Variants in PLD5 observed in about 807,000 individuals in gnomAD.
The protein encoded by PLD5 is inactive phospholipase D5.
In PLD5, 36 loss-of-function variants were observed where a neutral mutation model predicts 61.1. The ratio of observed to expected loss-of-function variants is 0.59; its 90% CI spans 0.45 to 0.78. PLD5 has a LOEUF of 0.78. PLD5 is among the 30% of genes least tolerant of loss of function. The pLI is 0.00. For missense variants in PLD5, 515 were observed against 644.4 expected (o/e 0.80, Z 2.17); for synonymous variants, 243 against 242.8 (o/e 1.00, Z -0.01).
intron 9 of PLD5, among the ~76,000 whole-genome samples, chr1:242,095,443 G>C (rs1273176589): frequency 1.3e-5 from 2 of 151,836 alleles, no homozygotes; most frequent in Non-Finnish European, 2.9e-5. Flanking sequence ...TGTTGGCCAG[G>C]CTGGTCTCCA....
At chr1:242,257,844 T>C (rs1298828540) in intron 4 of PLD5, among the ~76,000 whole-genome samples, 1 of 152,202 alleles carries the variant, frequency 6.6e-6, no homozygotes, top group African/African-American at 2.4e-5. Context: ...ACTGGTTGTT[T>C]GTACGGTCAC....
intron 5 of PLD5, among the ~76,000 whole-genome samples, chr1:242,167,798 C>G (rs1368819695): frequency 6.6e-6 from 1 of 152,188 alleles, no homozygotes; most frequent in African/African-American, 2.4e-5. Flanking sequence ...CAATGTGTGT[C>G]GTGCATCACG....
intron 5 of PLD5, among the ~76,000 whole-genome samples, chr1:242,194,564 C>A (rs998757069): frequency 1.0e-5 from 1 of 100,490 alleles, no homozygotes; most frequent in East Asian, 2.8e-4. Context: ...TGAGCTATCT[C>A]TATATCTATC....
intron 1 of PLD5, among the ~76,000 whole-genome samples, chr1:242,454,878 G>T (rs773993418): frequency 2.0e-4 from 31 of 152,156 alleles, no homozygotes; most frequent in Non-Finnish European, 4.0e-4. Context: ...TACCCTTTCC[G>T]GTTCTATCCC....
chr1:242,526,264 T>C (rs200218371), upstream of PLD5, among the ~76,000 whole-genome samples: 5 of 152,210 alleles, frequency 3.3e-5, no homozygotes, highest in East Asian at 9.7e-4. Context: ...TGCTCATCTG[T>C]GGTTTCAGCT....
chr1:242,220,764 T>C (rs1407195046), intron 4 of PLD5, among the ~76,000 whole-genome samples: 1 of 139,640 alleles, frequency 7.2e-6, no homozygotes, highest in Non-Finnish European at 1.6e-5. Flanking sequence ...TGAGACAGAG[T>C]CTCACTCTGT....
intron 6 of PLD5, among the ~76,000 whole-genome samples, chr1:242,116,391 G>T (rs770605113): frequency 2.0e-5 from 3 of 152,178 alleles, no homozygotes; most frequent in Non-Finnish European, 2.9e-5. Context: ...TCATGAGCAA[G>T]ATGAGTCGGT....
At chr1:242,425,794 C>T (rs577379011) in intron 1 of PLD5, among the ~76,000 whole-genome samples, 16 of 152,092 alleles carry the variant, frequency 1.1e-4, no homozygotes, top group African/African-American at 3.9e-4. Flanking sequence ...AGGTGCCCGC[C>T]ACCACACCTG....
At chr1:242,148,749 TTTTAAATTTCTA>T (rs1664716485) in intron 5 of PLD5, among the ~76,000 whole-genome samples, 1 of 151,990 alleles carries the variant, frequency 6.6e-6, no homozygotes, top group South Asian at 2.1e-4. Context: ...TAATACTGTC[TTTTAAATTTCTA>T]ATTGCTCATG....
chr1:242,394,099 T>C (rs1019195408), intron 1 of PLD5, among the ~76,000 whole-genome samples: 1 of 138,554 alleles, frequency 7.2e-6, no homozygotes, highest in Admixed American at 7.6e-5. Context: ...TATGTATATA[T>C]GTGTATATAT....
At chr1:242,129,846 A>G (rs1663095273) in intron 5 of PLD5, among the ~76,000 whole-genome samples, 1 of 152,100 alleles carries the variant, frequency 6.6e-6, no homozygotes, top group Non-Finnish European at 1.5e-5. Flanking sequence ...CTCTATGTCC[A>G]TGTGTACACA....
At chr1:242,276,772 C>T (rs1291698950) in intron 3 of PLD5, among the ~76,000 whole-genome samples, 2 of 151,906 alleles carry the variant, frequency 1.3e-5, no homozygotes, top group Non-Finnish European at 2.9e-5. Flanking sequence ...TGCTTGAAAC[C>T]AGTGGAGAGT....
chr1:242,302,834 T>C (rs185655149), intron 2 of PLD5, among the ~76,000 whole-genome samples: 7 of 152,330 alleles, frequency 4.6e-5, no homozygotes, highest in Admixed American at 2.0e-4. Flanking sequence ...TTCTTCTTCT[T>C]AATCTGCCTT....
chr1:242,450,105 C>A (rs1344728719), intron 1 of PLD5, among the ~76,000 whole-genome samples: 1 of 152,180 alleles, frequency 6.6e-6, no homozygotes, highest in African/African-American at 2.4e-5. Flanking sequence ...TTATATGAAA[C>A]CACGGGGCTC....
intron 1 of PLD5, among the ~76,000 whole-genome samples, chr1:242,416,693 T>G (rs1664851117): frequency 6.6e-6 from 1 of 152,206 alleles, no homozygotes; most frequent in East Asian, 1.9e-4. Context: ...TCAGCTAAAT[T>G]AAACTCATTA....
intron 5 of PLD5, among the ~76,000 whole-genome samples, chr1:242,142,330 T>G (rs1664228690): frequency 6.6e-6 from 1 of 152,252 alleles, no homozygotes; most frequent in African/African-American, 2.4e-5. Flanking sequence ...TCTGTTTGCC[T>G]TTCTAAAAGA....
intron 5 of PLD5, among the ~76,000 whole-genome samples, chr1:242,173,494 C>G (rs1229366938): frequency 6.6e-6 from 1 of 152,120 alleles, no homozygotes; most frequent in Non-Finnish European, 1.5e-5. Flanking sequence ...TTTATAGATT[C>G]AATGCCATCC....
chr1:242,235,126 A>G (rs1034193234), intron 4 of PLD5, among the ~76,000 whole-genome samples: 1 of 152,154 alleles, frequency 6.6e-6, no homozygotes, highest in African/African-American at 2.4e-5. Flanking sequence ...CCCTTTTGTA[A>G]CCGCTCATCA....
At chr1:242,251,323 G>C (rs1344608067) in intron 4 of PLD5, among the ~76,000 whole-genome samples, 1 of 152,192 alleles carries the variant, frequency 6.6e-6, no homozygotes, top group Non-Finnish European at 1.5e-5. Context: ...TTAAGGGAAT[G>C]ATAGTGTATT....
Sources: allele counts gnomAD v4.1 joint callset (sites outside exome capture counted in the v4.1 genomes callset), GRCh38; gene constraint gnomAD v4.1.1; transcripts MANE v1.5; gene names NCBI Gene and HGNC (gene_info 2026-07-23, HGNC 2026-07-21).